ARHGEF10L: variants seen among roughly 807,000 people sequenced by gnomAD.
ARHGEF10L encodes the protein Rho guanine nucleotide exchange factor 10 like.
In ARHGEF10L, 69 loss-of-function variants were observed where a neutral mutation model predicts 141.2. The ratio of observed to expected loss-of-function variants is 0.49; its 90% confidence interval spans 0.40 to 0.60. The LOEUF is 0.60. Ranked by LOEUF, ARHGEF10L falls within the 20% of genes least tolerant of loss-of-function variation. ARHGEF10L has a pLI of 0.00. For missense variants in ARHGEF10L, 1,482 were observed against 1,734.3 expected, an observed-to-expected ratio of 0.85 and a Z score of 2.58; for synonymous variants, 711 against 718.5, an observed-to-expected ratio of 0.99 and a Z score of 0.17.
chr1:17,523,647 A>G, the ARHGEF10L span, among the ~76,000 whole-genome samples: 31 of 152,308 alleles, frequency 2.0e-4, no homozygotes, highest in South Asian at 5.4e-3. Context: ...CACAGCCAAG[A>G]CTAGAGCCTG....
chr1:17,565,869 C>G (rs937152277), intron 1 of ARHGEF10L, among the ~76,000 whole-genome samples: 3 of 152,142 alleles, frequency 2.0e-5, no homozygotes, highest in African/African-American at 7.2e-5. Flanking sequence ...TCCCTGGCTG[C>G]CTCCTCTCCC....
upstream of ARHGEF10L, among the ~76,000 whole-genome samples, chr1:17,538,888 C>CA (rs2076623295): frequency 6.6e-6 from 1 of 152,116 alleles, no homozygotes; most frequent in Non-Finnish European, 1.5e-5. Flanking sequence ...TGTTTAACAA[C>CA]AACGCGGATA....
intron 1 of ARHGEF10L, among the ~76,000 whole-genome samples, chr1:17,540,661 G>T (rs2076691695): frequency 6.6e-6 from 1 of 152,156 alleles, no homozygotes; most frequent in African/African-American, 2.4e-5. Context: ...GCCCTGGGGC[G>T]GGGGTCTCGA....
At chr1:17,550,307 G>T (rs532429212) in intron 1 of ARHGEF10L, among the ~76,000 whole-genome samples, 4 of 152,174 alleles carry the variant, frequency 2.6e-5, no homozygotes, top group African/African-American at 9.7e-5. Flanking sequence ...GAAACCAAGG[G>T]TTAGGTTTGG....
At chr1:17,683,061 A>G (rs1196956105) in intron 26 of ARHGEF10L, among the ~76,000 whole-genome samples, 1 of 152,064 alleles carries the variant, frequency 6.6e-6, no homozygotes, top group Non-Finnish European at 1.5e-5. Flanking sequence ...ACCAGTGAGC[A>G]GTGAGGGCTT....
chr1:17,653,996 C>T (rs961807246), intron 22 of ARHGEF10L, among the ~76,000 whole-genome samples: 1 of 152,254 alleles, frequency 6.6e-6, no homozygotes, highest in Non-Finnish European at 1.5e-5. Context: ...GCTGCATCCT[C>T]CTTCCAGCCA....
At chr1:17,533,672 G>C in the ARHGEF10L span, among the ~76,000 whole-genome samples, 3 of 152,128 alleles carry the variant, frequency 2.0e-5, no homozygotes, top group Non-Finnish European at 4.4e-5. Context: ...TAGAAGGCTT[G>C]AGGTGTTGCT....
chr1:17,695,595 TC>T (rs1187639277), intron 28 of ARHGEF10L, among the ~76,000 whole-genome samples: 1 of 152,190 alleles, frequency 6.6e-6, no homozygotes, highest in Non-Finnish European at 1.5e-5. Context: ...TTTCAAGATG[TC>T]CAGGCTCCAG....
At chr1:17,593,417 A>T (rs954553201) in intron 4 of ARHGEF10L, among the ~76,000 whole-genome samples, 1 of 152,102 alleles carries the variant, frequency 6.6e-6, no homozygotes, top group Admixed American at 6.5e-5. Flanking sequence ...GATGTGATTA[A>T]GTGAGGGGTT....
rs933944227 is a variant in ARHGEF10L, at chr1:17,577,430, C to T, written c.-43-3123C>T. 6.6e-5 allele frequency among the ~76,000 whole-genome samples: 10 copies of T among 152,336 alleles called. 1 individual carries two copies. Among genetic ancestry groups the T allele is most frequent in the African/African-American group, 1.9e-4 (8 of 41,572 alleles). On this transcript the variant is annotated intron_variant, in intron 1 of 28. Transcript: ENST00000361221. Reference sequence around the variant, plus strand: ...GATTAACTCATCCAAGGTCTCATAGCTGCTGAGTGGAACCCAGGTGGTATT... The same window carrying T: ...GATTAACTCATCCAAGGTCTCATAGTTGCTGAGTGGAACCCAGGTGGTATT...
At chr1:17,562,694 G>A (rs932810191) in intron 1 of ARHGEF10L, among the ~76,000 whole-genome samples, 2 of 152,178 alleles carry the variant, frequency 1.3e-5, no homozygotes, top group African/African-American at 2.4e-5. Flanking sequence ...ATACATTGGC[G>A]AGGTGAGCTA....
chr1:17,605,671 C>A (rs115398847), intron 6 of ARHGEF10L, among the ~76,000 whole-genome samples: 12 of 152,324 alleles, frequency 7.9e-5, no homozygotes, highest in Admixed American at 1.3e-4. Flanking sequence ...TCACACCCTG[C>A]TGTCTGCACA....
Position 17,654,051 on chromosome 1 carries a change from T to C in ARHGEF10L, c.2395-585T>C, listed in dbSNP as rs2062087658. 1.3e-5 allele frequency among the ~76,000 whole-genome samples: 2 copies of C among 152,126 alleles called. No homozygotes were observed. The highest frequency in any genetic ancestry group is 4.8e-5 in the African/African-American group (2 of 41,422). On this transcript the variant is annotated intron_variant, in intron 22 of 28. Transcript: ENST00000361221. This position sits in a 1 kb window ranked among gnomAD's most constrained non-coding sequence, Gnocchi z 4.3. ...CTTCTCCTTCAGTGTGGCCCATGAG[T>C]GGGCCAGGCCATTTCCTAGAATTGC...
At chr1:17,592,105 G>A (rs4920380) in intron 4 of ARHGEF10L, among the ~76,000 whole-genome samples, 55,954 of 151,914 alleles carry the variant, frequency 0.37, 11,020 homozygotes, top group East Asian at 0.51. Context: ...TGGGGGAGTC[G>A]TGGTTGAAAG....
rs1416751980 is a variant in ARHGEF10L at position 17,639,190 on chromosome 1, G to A, written c.2171+501G>A. Among the ~76,000 whole-genome samples the A allele has an allele frequency of 6.6e-6, 1 of 152,216 alleles. No homozygotes were observed. Among genetic ancestry groups the A allele is most frequent in the East Asian group, 1.9e-4 (1 of 5,194 alleles). On this transcript the variant is annotated intron_variant, in intron 20 of 28. Coordinates refer to ENST00000361221, the MANE Select transcript of ARHGEF10L (RefSeq NM_018125.4). The surrounding 1 kb of genome is among the most constrained non-coding windows in gnomAD (Gnocchi z 4.3). ...AGAGACAGGGAACGGGATCTTTCTG[G>A]TCCTCCTGAGGCTTTGTAAGTTGGG...
At chr1:17,589,488 A>G (rs750572986) in intron 4 of ARHGEF10L, among the ~76,000 whole-genome samples, 17 of 152,196 alleles carry the variant, frequency 1.1e-4, no homozygotes, top group Non-Finnish European at 2.1e-4. Flanking sequence ...AAACTGAGCA[A>G]GAGGGGCTAA....
At chr1:17,517,822 G>A in the ARHGEF10L span, among the ~76,000 whole-genome samples, 2 of 152,080 alleles carry the variant, frequency 1.3e-5, no homozygotes, top group Non-Finnish European at 1.5e-5. Flanking sequence ...CTCCAAGCTT[G>A]GCTAATTTTT....
Position 17,547,946 on chromosome 1 carries a change from C to A in ARHGEF10L, c.-44+7996C>A, listed in dbSNP as rs373405475. ...GTAGACGCTGGGAGTAGAGGGGTAC[C>A]CTGCTCCCTGCTGGGGCTCTTTCTA... is the stretch of plus-strand genomic sequence containing the variant. On this transcript the variant is annotated intron_variant, in intron 1 of 28. Transcript: ENST00000361221. Among the ~76,000 whole-genome samples the A allele has an allele frequency of 3.9e-5, 6 of 152,128 alleles. No homozygotes were observed. In the East Asian group the frequency reaches 7.8e-4, roughly 20 times the overall value.
intron 1 of ARHGEF10L, among the ~76,000 whole-genome samples, chr1:17,562,261 C>T (rs972332123): frequency 9.2e-5 from 14 of 152,104 alleles, no homozygotes; most frequent in Non-Finnish European, 2.1e-4. Flanking sequence ...CGAAAAAATA[C>T]AAAAAATTGG....
Sources: allele counts gnomAD v4.1 joint callset (sites outside exome capture counted in the v4.1 genomes callset), GRCh38; gene constraint gnomAD v4.1.1; non-coding constraint Gnocchi (gnomAD v3.1); transcripts MANE v1.5; gene names NCBI Gene and HGNC (gene_info 2026-07-23, HGNC 2026-07-21).